The following CKAP5 variants were observed in gnomAD, a reference collection of about 807,000 sequenced individuals.
CKAP5 encodes the protein cytoskeleton associated protein 5, also known as cytoskeleton-associated protein 5.
In CKAP5, 27 loss-of-function variants were observed where a neutral mutation model predicts 232.8. The observed-to-expected ratio is 0.12, with a 90% CI of 0.09 to 0.16. The LOEUF (loss-of-function observed/expected upper bound fraction) is 0.16. Among genes scored for constraint, CKAP5 ranks in the 10% least tolerant of loss-of-function variants. CKAP5 has a pLI of 1.00. For synonymous variants in CKAP5, 785 were observed against 841.1 expected, an observed-to-expected ratio of 0.93 and a Z score of 1.16; for missense variants, 1,838 against 2,424.7, an observed-to-expected ratio of 0.76 and a Z score of 5.08.
At chr11:46,780,705 C>G (rs748508927) in intron 18 of CKAP5, among the ~76,000 whole-genome samples, 7 of 152,288 alleles carry the variant, frequency 4.6e-5, no homozygotes, top group Non-Finnish European at 8.8e-5. Context: ...ACCTCTGCCT[C>G]TCTGGTTCAA....
chr11:46,839,611 T>C (rs895582013), intron 1 of CKAP5, among the ~76,000 whole-genome samples: 6 of 152,140 alleles, frequency 3.9e-5, no homozygotes, highest in South Asian at 4.1e-4. Flanking sequence ...ACATCTCCGA[T>C]AGAAGTACTT....
intron 8 of CKAP5, 105 bp downstream of exon 8, chr11:46,807,926 A>G: frequency 1.4e-6 from 1 of 723,768 alleles, no homozygotes; most frequent in Non-Finnish European, 2.3e-6. Flanking sequence ...ACCATCAGTA[A>G]TGTTCCTTAA....
At chr11:46,755,867 T>C in intron 35 of CKAP5, among the ~76,000 whole-genome samples, 1 of 152,062 alleles carries the variant, frequency 6.6e-6, no homozygotes, top group East Asian at 1.9e-4. Context: ...AGGCGGAGGA[T>C]GCAGTGAACC....
intron 1 of CKAP5, among the ~76,000 whole-genome samples, chr11:46,832,818 G>A (rs752306180): frequency 7.2e-5 from 11 of 152,134 alleles, no homozygotes; most frequent in Admixed American, 6.5e-5. Flanking sequence ...ATAGCCAGGT[G>A]TAGTGGCATG....
Position 46,751,494 on chromosome 11 carries a change from T to C in CKAP5, c.5174A>G (p.Asn1725Ser). Residue 1725 changes from asparagine (N) to serine (S), a missense_variant, in exon 39 of 44, where the codon AAT (asparagine) becomes AGT (serine). By Grantham distance (46) the Asn-to-Ser change is conservative. Around this residue, in one of 6 missense-constraint regions of CKAP5, gnomAD observed 579 missense variants for 843.2 expected, o/e 0.69. Coordinates refer to ENST00000529230, the MANE Select transcript of CKAP5 (RefSeq NM_001008938.4). ...RMVRLLPDTI[N>S]SINLDRILLD... is the part of the protein sequence containing the mutation. The stretch of plus-strand genomic sequence containing the variant: ...AAGAATTCTGTCTAGGTTAATGCTA[T>C]TGATGGTATCAGGCAACAGTCGAAC... 1 of 1,613,942 alleles carries C rather than the reference T, an allele frequency of 6.2e-7. No individual in the cohort carries two copies. The highest frequency in any genetic ancestry group is 2.2e-5 in the East Asian group (1 of 44,886).
At position 46,808,025 on chromosome 11, in the gene CKAP5, A is replaced by G; in HGVS notation, c.978+6T>C. ...CAATACCAGTACTGCAAGTCCTCAT[A>G]TTTACCTTCTTTAATGCTTTTACTA... On this transcript the variant is annotated splice_donor_region_variant and intron_variant, in intron 8 of 43. Transcript: ENST00000529230. The G allele has an allele frequency of 6.2e-7, 1 of 1,606,164 alleles. No individual in the cohort carries two copies. Among genetic ancestry groups the G allele is most frequent in the Non-Finnish European group, 8.5e-7 (1 of 1,173,354 alleles).
intron 1 of CKAP5, among the ~76,000 whole-genome samples, chr11:46,833,421 G>A (rs1005300093): frequency 6.6e-6 from 1 of 152,012 alleles, no homozygotes; most frequent in Non-Finnish European, 1.5e-5. Context: ...AGATTTCATG[G>A]CAAACACCAA....
rs543013163 is a variant in CKAP5 at position 46,832,551 on chromosome 11, A to T, written c.-37-11283T>A. Among the ~76,000 whole-genome samples, 4 of 152,358 alleles carry T rather than the reference A, an allele frequency of 2.6e-5. No homozygotes were observed. In the South Asian group the frequency reaches 6.2e-4, roughly 24 times the overall value. On this transcript the variant is annotated intron_variant, in intron 1 of 43. Coordinates refer to ENST00000529230, the MANE Select transcript of CKAP5 (RefSeq NM_001008938.4). Reference sequence around the variant, plus strand: ...CAGCTGATCCTCAGTTTTATCAATCATCATAACAATACCATCTTCATGTTG... The same window carrying T: ...CAGCTGATCCTCAGTTTTATCAATCTTCATAACAATACCATCTTCATGTTG...
chr11:46,817,573 C>T (rs976590883), intron 3 of CKAP5, among the ~76,000 whole-genome samples: 4 of 152,080 alleles, frequency 2.6e-5, no homozygotes, highest in African/African-American at 7.2e-5. Flanking sequence ...CCCAGTGATG[C>T]CAGTTAACCA....
chr11:46,804,510 A>G (rs2134662565), intron 8 of CKAP5, among the ~76,000 whole-genome samples: 1 of 152,350 alleles, frequency 6.6e-6, no homozygotes, highest in East Asian at 1.9e-4. Context: ...ACAATAGGAA[A>G]TCTTGTACAG....
chr11:46,744,390 C>T (rs1236884829), intron 43 of CKAP5, 36 bp downstream of exon 43: 1 of 1,613,824 alleles, frequency 6.2e-7, no homozygotes, highest in Non-Finnish European at 8.5e-7. Context: ...CTTGTGACTA[C>T]CCTCCCTGAA....
chr11:46,812,213 C>T (rs1279551181), intron 4 of CKAP5, among the ~76,000 whole-genome samples: 1 of 152,066 alleles, frequency 6.6e-6, no homozygotes, highest in Non-Finnish European at 1.5e-5. Context: ...CGCCTGTAAT[C>T]CCAGCTACCT....
chr11:46,797,418 G>C (rs1938906055), intron 11 of CKAP5, among the ~76,000 whole-genome samples: 1 of 151,790 alleles, frequency 6.6e-6, no homozygotes, highest in African/African-American at 2.4e-5. Flanking sequence ...AATTTTTCGG[G>C]TTAAGGAAAC....
rs112678804 is a variant in CKAP5, at chr11:46,753,268, C to A, written c.5057+42G>T. ...TATGGTTTCTAAGTGTAAACAAAAG[C>A]GAGGATGCCCCAGGCTCTATTGGCT... On this transcript the variant is annotated intron_variant, in intron 37 of 43. Coordinates refer to ENST00000529230, the MANE Select transcript of CKAP5 (RefSeq NM_001008938.4). 5.0e-4 allele frequency: 748 copies of A among 1,486,650 alleles called. 5 individuals carry two copies. In the African/African-American group the frequency reaches 9.1e-3, roughly 18 times the overall value. 92.1% of individuals were successfully genotyped at this position (1,486,650 alleles called of 1,614,324 possible). A position where few individuals can be genotyped will look rare whatever the true frequency, so the allele number is the denominator to read the frequency against.
chr11:46,786,164 AAAATT>A (rs1230820370), intron 16 of CKAP5, among the ~76,000 whole-genome samples: 1 of 152,232 alleles, frequency 6.6e-6, no homozygotes, highest in Non-Finnish European at 1.5e-5. Flanking sequence ...CACAACTCTG[AAAATT>A]AAATAAGGCT....
chr11:46,752,161 C>CATATATATATATATATATATATATAT (rs142364564), intron 38 of CKAP5, among the ~76,000 whole-genome samples: 1 of 88,844 alleles, frequency 1.1e-5, no homozygotes, highest in Non-Finnish European at 2.1e-5. Flanking sequence ...AAGACCAATT[C>CATATATATATATATATATATATATAT]ATATATATAT....
At chr11:46,761,172 C>T (rs1166579364) in intron 32 of CKAP5, among the ~76,000 whole-genome samples, 2 of 149,876 alleles carry the variant, frequency 1.3e-5, no homozygotes, top group African/African-American at 4.9e-5. Flanking sequence ...TCACTTGAGC[C>T]TGGGAGGTCG....
Position 46,818,446 on chromosome 11 carries a change from T to A in CKAP5, c.115A>T (p.Lys39Ter). Residue 39 changes from lysine to a stop codon, truncating the protein, a stop_gained, in exon 3 of 44, where the codon AAG becomes TAG. Coordinates refer to ENST00000529230, the MANE Select transcript of CKAP5 (RefSeq NM_001008938.4). LOFTEE classifies it high-confidence loss of function. The stretch of plus-strand genomic sequence containing the variant: ...GACCACTCTGGGCTCTTTTCATCCT[T>A]TATTTTCTGGAAGATCTTCAGGGCC... Reference protein sequence around the residue: ...EEALKIFQKIKDEKSPEWSKF... With the variant: ...EEALKIFQKI 1 of 1,608,424 alleles carries A rather than the reference T, an allele frequency of 6.2e-7. No homozygotes were observed. The highest frequency in any genetic ancestry group is 8.5e-7 in the Non-Finnish European group (1 of 1,178,098).
At chr11:46,837,042 G>C (rs946707137) in intron 1 of CKAP5, among the ~76,000 whole-genome samples, 1 of 152,180 alleles carries the variant, frequency 6.6e-6, no homozygotes, top group African/African-American at 2.4e-5. Context: ...AGTAGCTTTG[G>C]TAATGAGTGG....
Sources: gnomAD v4.1 joint callset for allele counts (sites outside exome capture counted in the v4.1 genomes callset) on GRCh38, gnomAD v4.1.1 for gene constraint, gnomAD v4.1.1 regional missense constraint, MANE v1.5 for transcripts, NCBI Gene and HGNC (gene_info 2026-07-23, HGNC 2026-07-21) for gene names.